MTREX: variants seen among roughly 807,000 people sequenced by gnomAD.
The protein encoded by MTREX is Mtr4 exosome RNA helicase.
Under a neutral mutation model 135.4 loss-of-function variants are expected in MTREX, and 76 were observed. The observed-to-expected ratio is 0.56, with a 90% CI of 0.47 to 0.68. The LOEUF (loss-of-function observed/expected upper bound fraction) is 0.68, where lower values mean the gene tolerates loss of function less well. MTREX is among the 30% of genes least tolerant of loss of function. MTREX has a pLI of 0.00. For missense variants in MTREX, 920 were observed against 1,262.1 expected, an observed-to-expected ratio of 0.73 and a Z score of 4.11; for synonymous variants, 404 against 401.6, an observed-to-expected ratio of 1.01 and a Z score of -0.07.
chr5:55,315,889 C>T (rs1012495788), intron 1 of MTREX, among the ~76,000 whole-genome samples: 4 of 150,958 alleles, frequency 2.6e-5, no homozygotes, highest in African/African-American at 9.7e-5. Context: ...CTGTGGAACG[C>T]TCACATCATT....
At chr5:55,364,945 C>T (rs577871944) in intron 15 of MTREX, among the ~76,000 whole-genome samples, 42 of 152,110 alleles carry the variant, frequency 2.8e-4, no homozygotes, top group Non-Finnish European at 4.6e-4. Flanking sequence ...ATTTATCATC[C>T]AAATTGGGAT....
chr5:55,312,106 C>T (rs1044195312), intron 1 of MTREX, among the ~76,000 whole-genome samples: 2 of 152,160 alleles, frequency 1.3e-5, no homozygotes, highest in African/African-American at 2.4e-5. Context: ...GTGATAATTG[C>T]CCAGGTCCAT....
At chr5:55,380,738 G>A (rs1750383381) in intron 18 of MTREX, among the ~76,000 whole-genome samples, 1 of 152,086 alleles carries the variant, frequency 6.6e-6, no homozygotes, top group Non-Finnish European at 1.5e-5. Context: ...TTTCATGCCA[G>A]TATTCATAGG....
At position 55,425,357 on chromosome 5, in the gene MTREX, G is replaced by A; in HGVS notation, c.*585G>A. On this transcript the variant is annotated 3_prime_UTR_variant, in exon 27 of 27. Transcript: ENST00000230640. ...AGCCTACAGTGCAAAATATTTAATGGTATAATTTAGATCAAGTTAAAAACT... is the reference window on the plus strand; with the variant it reads ...AGCCTACAGTGCAAAATATTTAATGATATAATTTAGATCAAGTTAAAAACT... 1 of 1,558,726 alleles carries A rather than the reference G, an allele frequency of 6.4e-7. No individual in the cohort carries two copies. The highest frequency in any genetic ancestry group is 1.9e-5 in the Admixed American group (1 of 53,868).
At position 55,414,239 on chromosome 5, in the gene MTREX, G is replaced by A; in HGVS notation, c.2808+1G>A. ...AGCAGGACCACTTCGTCAAATGCAG[G>A]TAAGGTTTTTTTTTTTTTTTTTTGA... is the stretch of plus-strand genomic sequence containing the variant. On this transcript the variant is annotated splice_donor_variant, in intron 24 of 26. Coordinates refer to ENST00000230640, the MANE Select transcript of MTREX (RefSeq NM_015360.5). LOFTEE classifies it high-confidence loss of function. 2 of 1,504,456 alleles carry A rather than the reference G, an allele frequency of 1.3e-6. No individual in the cohort carries two copies. Among genetic ancestry groups the A allele is most frequent in the Non-Finnish European group, 1.8e-6 (2 of 1,118,942 alleles). 93.2% of individuals were successfully genotyped at this position (1,504,456 alleles called of 1,614,324 possible).
chr5:55,421,729 A>G (rs1294499179), intron 25 of MTREX, among the ~76,000 whole-genome samples: 2 of 152,194 alleles, frequency 1.3e-5, no homozygotes, highest in South Asian at 2.1e-4. Flanking sequence ...CCTGTGCAGC[A>G]GAGGACTTTG....
At chr5:55,370,846 A>G (rs1339451170) in intron 16 of MTREX, among the ~76,000 whole-genome samples, 1 of 152,092 alleles carries the variant, frequency 6.6e-6, no homozygotes, top group Admixed American at 6.6e-5. Context: ...CACTGGTATT[A>G]TTTTTACCAC....
chr5:55,341,572 C>A (rs923403484), intron 6 of MTREX, 109 bp from the exon 7 acceptor site: 96 of 533,334 alleles, frequency 1.8e-4, no homozygotes, highest in African/African-American at 1.5e-3. Flanking sequence ...TTAATATTTC[C>A]ATTTAATAAA....
chr5:55,373,605 G>T (rs535205378), intron 16 of MTREX, among the ~76,000 whole-genome samples: 4 of 151,250 alleles, frequency 2.6e-5, no homozygotes, highest in South Asian at 2.1e-4. Flanking sequence ...GTGTTTTTTT[G>T]AGTTTTGTGA....
intron 15 of MTREX, among the ~76,000 whole-genome samples, chr5:55,360,943 G>T (rs962701355): frequency 2.6e-5 from 4 of 152,108 alleles, no homozygotes; most frequent in Non-Finnish European, 4.4e-5. Flanking sequence ...TAAAAAATTT[G>T]TCCAGAGCTA....
intron 3 of MTREX, among the ~76,000 whole-genome samples, chr5:55,327,326 T>G (rs1009532639): frequency 6.6e-6 from 1 of 152,180 alleles, no homozygotes; most frequent in Non-Finnish European, 1.5e-5. Context: ...TAGAGTCTCT[T>G]TTTTTCTAAT....
At chr5:55,399,548 C>T (rs879341509) in intron 20 of MTREX, among the ~76,000 whole-genome samples, 19 of 152,218 alleles carry the variant, frequency 1.2e-4, no homozygotes, top group Admixed American at 2.0e-4. Context: ...AGTGCAGTGG[C>T]GCAATCTCGG....
At chr5:55,321,749 C>G (rs1343358356) in intron 1 of MTREX, among the ~76,000 whole-genome samples, 1 of 151,900 alleles carries the variant, frequency 6.6e-6, no homozygotes, top group African/African-American at 2.4e-5. Context: ...GCTGGGACTA[C>G]AGGCATGCGC....
At chr5:55,318,974 A>G (rs1479780435) in intron 1 of MTREX, among the ~76,000 whole-genome samples, 2 of 151,186 alleles carry the variant, frequency 1.3e-5, no homozygotes, top group East Asian at 3.9e-4. Context: ...ATTCTTGTAC[A>G]TCTTCACTCA....
chr5:55,322,571 G>T (rs1749306651), intron 2 of MTREX, 107 bp downstream of exon 2: 1 of 734,356 alleles, frequency 1.4e-6, no homozygotes. Flanking sequence ...CCGTATTAGA[G>T]AAATGAAGAT....
intron 22 of MTREX, among the ~76,000 whole-genome samples, 179 bp from the exon 23 acceptor site, chr5:55,410,345 T>G (rs1227824448): frequency 2.0e-5 from 3 of 152,150 alleles, no homozygotes; most frequent in African/African-American, 7.2e-5. Flanking sequence ...ATTGATTATA[T>G]AATATATTGG....
intron 16 of MTREX, among the ~76,000 whole-genome samples, chr5:55,372,719 G>A (rs767292087): frequency 1.3e-5 from 2 of 151,948 alleles, no homozygotes; most frequent in African/African-American, 2.4e-5. Flanking sequence ...CTTACCTCAC[G>A]CCATATACAA....
At position 55,308,140 on chromosome 5, in the gene MTREX, A is replaced by G. The variant is rs1466800384; in HGVS notation, c.127A>G (p.Lys43Glu). 6.3e-7 allele frequency: 1 copy of G among 1,596,486 alleles called. No individual in the cohort carries two copies. Among genetic ancestry groups the G allele is most frequent in the Non-Finnish European group, 8.5e-7 (1 of 1,173,442 alleles). The change falls in exon 1 of 27, where the codon AAG becomes GAG. Residue 43 changes from lysine to glutamate, a missense_variant. By Grantham distance (56) the Lys-to-Glu change is moderately conservative. Around this residue, in one of 6 missense-constraint regions of MTREX, gnomAD observed 136 missense variants for 126.7 expected, o/e 1.07. Coordinates refer to ENST00000230640, the MANE Select transcript of MTREX (RefSeq NM_015360.5). ...GAAGGGGCCTCCAGGGTCTGCAGAC[A>G]AGGCAGGGTAAGGAAGAAGTTCCAG... The part of the protein sequence containing the change: ...KWKGPPGSAD[K>E]AGKRFDGKLQ...
At chr5:55,387,044 TTAAAC>T (rs1750491427) in intron 18 of MTREX, among the ~76,000 whole-genome samples, 1 of 152,118 alleles carries the variant, frequency 6.6e-6, no homozygotes, top group Non-Finnish European at 1.5e-5. Flanking sequence ...TGCTTTGTGT[TTAAAC>T]TAAGGAATGT....
Sources: allele counts gnomAD v4.1 joint callset (sites outside exome capture counted in the v4.1 genomes callset), GRCh38; gene constraint gnomAD v4.1.1; regional missense constraint gnomAD v4.1.1; transcripts MANE v1.5; gene names NCBI Gene and HGNC (gene_info 2026-07-23, HGNC 2026-07-21).